Variants in ODF2L observed in about 807,000 individuals in gnomAD.
ODF2L encodes outer dense fiber of sperm tails 2 like, also known as protein BCAP.
ODF2L carries 76 observed loss-of-function variants against 86.3 expected under a neutral mutation model. The ratio of observed to expected loss-of-function variants is 0.88; its 90% CI spans 0.73 to 1.07. ODF2L has a LOEUF of 1.07. ODF2L is among the 50% of genes least tolerant of loss of function. The probability of loss-of-function intolerance (pLI) is 0.00; values close to 1 mark genes in which losing one functional copy is unlikely to be tolerated. For missense variants in ODF2L, 748 were observed against 717.4 expected (o/e 1.04, Z -0.49); for synonymous variants, 241 against 231.3 (o/e 1.04, Z -0.38).
chr1:86,394,880 G>T (rs1296059587), intron 1 of ODF2L, among the ~76,000 whole-genome samples: 6 of 126,932 alleles, frequency 4.7e-5, no homozygotes, highest in Non-Finnish European at 9.3e-5. Flanking sequence ...TCGCGCTGTC[G>T]CCCAGGCTGG....
intron 13 of ODF2L, chr1:86,357,688 T>A (rs967279281): frequency 2.1e-6 from 2 of 933,230 alleles, no homozygotes; most frequent in African/African-American, 3.6e-5. Flanking sequence ...CCTTAAAACA[T>A]CTTAGAGGCC....
At chr1:86,389,514 C>A (rs532064193) in intron 1 of ODF2L, among the ~76,000 whole-genome samples, 99 of 150,478 alleles carry the variant, frequency 6.6e-4, no homozygotes, top group African/African-American at 2.4e-3. Flanking sequence ...AAACCCAAAC[C>A]CAACAGAAGG....
chr1:86,366,439 CAT>C (rs1228368283), intron 11 of ODF2L, among the ~76,000 whole-genome samples: 65 of 149,356 alleles, frequency 4.4e-4, no homozygotes, highest in Middle Eastern at 3.4e-3. Flanking sequence ...CACACATACA[CAT>C]ACACATACAC....
chr1:86,355,066 A>T (rs1043581764), intron 14 of ODF2L: 1 of 548,110 alleles, frequency 1.8e-6, no homozygotes, highest in African/African-American at 1.9e-5. Context: ...TGTTGCCTGT[A>T]TTGGAAAATA....
At chr1:86,375,264 T>G (rs1660088758) in intron 8 of ODF2L, among the ~76,000 whole-genome samples, 1 of 152,108 alleles carries the variant, frequency 6.6e-6, no homozygotes, top group Non-Finnish European at 1.5e-5. Context: ...AAAAACTTCA[T>G]GCATTACAGC....
intron 2 of ODF2L, 80 bp from the exon 3 acceptor site, chr1:86,385,670 T>C (rs1448159435): frequency 1.9e-6 from 2 of 1,046,242 alleles, no homozygotes; most frequent in African/African-American, 3.2e-5. Flanking sequence ...ATATCACCTA[T>C]ACAGTACTCT....
chr1:86,395,100 C>T (rs1207044027), intron 1 of ODF2L, among the ~76,000 whole-genome samples: 1 of 152,168 alleles, frequency 6.6e-6, no homozygotes, highest in East Asian at 1.9e-4. Context: ...GCCTCGGCCT[C>T]CCAAAGTGCT....
intron 10 of ODF2L, among the ~76,000 whole-genome samples, chr1:86,369,385 G>T (rs12038844): frequency 6.6e-6 from 1 of 152,166 alleles, no homozygotes; most frequent in Admixed American, 6.5e-5. Context: ...AGAAGACCTT[G>T]CTACTTCCTA....
exon 3 of ODF2L, chr1:86,385,527 C>T (rs1240914801): frequency 6.2e-6 from 10 of 1,606,596 alleles, no homozygotes; most frequent in East Asian, 2.2e-5. Context: ...AATGAGTTAC[C>T]AACTCCGCTT....
intron 8 of ODF2L, 26 bp downstream of exon 8, chr1:86,376,207 A>T (rs1373783858): frequency 2.8e-5 from 39 of 1,368,946 alleles, no homozygotes; most frequent in Non-Finnish European, 4.0e-5. Context: ...AGATCTTTTA[A>T]TTTTAAAAAG....
At chr1:86,373,849 T>C (rs1659983388) in intron 8 of ODF2L, among the ~76,000 whole-genome samples, 1 of 152,204 alleles carries the variant, frequency 6.6e-6, no homozygotes, top group Admixed American at 6.5e-5. Flanking sequence ...AGTAGTGGCT[T>C]ATTCATTTTG....
intron 11 of ODF2L, among the ~76,000 whole-genome samples, chr1:86,364,777 G>A (rs1176825251): frequency 6.6e-6 from 1 of 152,114 alleles, no homozygotes; most frequent in Non-Finnish European, 1.5e-5. Context: ...ACCTAGGGAT[G>A]GCAGAACAGA....
chr1:86,374,283 G>A (rs2101072884), intron 8 of ODF2L, among the ~76,000 whole-genome samples: 1 of 152,166 alleles, frequency 6.6e-6, no homozygotes, highest in East Asian at 1.9e-4. Flanking sequence ...AAATTATGAA[G>A]TATAAGTTTA....
At chr1:86,365,121 C>G (rs1285055073) in intron 11 of ODF2L, among the ~76,000 whole-genome samples, 1 of 152,112 alleles carries the variant, frequency 6.6e-6, no homozygotes, top group Admixed American at 6.5e-5. Flanking sequence ...CTGGCTCTGC[C>G]ACTAATCTAG....
At chr1:86,376,502 AT>A (rs1293040015) in intron 7 of ODF2L, 84 bp from the exon 8 acceptor site, 13 of 834,672 alleles carry the variant, frequency 1.6e-5, no homozygotes, top group East Asian at 2.6e-5. Flanking sequence ...CATAACTGAT[AT>A]GGTTTGTGTA....
intron 9 of ODF2L, among the ~76,000 whole-genome samples, 179 bp from the exon 10 acceptor site, chr1:86,371,332 C>T (rs1659770067): frequency 6.6e-6 from 1 of 152,092 alleles, no homozygotes; most frequent in African/African-American, 2.4e-5. Context: ...TAAAAGGGTA[C>T]AACCAAAGTA....
chr1:86,354,277 G>A (rs1658363394), intron 16 of ODF2L, among the ~76,000 whole-genome samples: 2 of 152,130 alleles, frequency 1.3e-5, no homozygotes, highest in African/African-American at 4.8e-5. Context: ...AGGTACAGGA[G>A]GAGATTATGT....
Position 86,384,769 on chromosome 1 carries a change from AG to A in ODF2L, c.278del (p.Ser93LeufsTer7), listed in dbSNP as rs766064897. On this transcript the variant is annotated frameshift_variant, in exon 4 of 18. Coordinates refer to ENST00000317336, the Ensembl canonical transcript of ODF2L. LOFTEE classifies it high-confidence loss of function. ...CTTTTATTAATATTTCCTTCTGTTC[AG>A]AAATCTTCAAATTCAATGCAGAAAG... 6.6e-7 allele frequency: 1 copy of A among 1,524,746 alleles called. No homozygotes were observed. 94.5% of individuals were successfully genotyped at this position (1,524,746 alleles called of 1,614,324 possible).
chr1:86,352,168 C>G, exon 18 of ODF2L: 5 of 1,519,250 alleles, frequency 3.3e-6, no homozygotes, highest in Non-Finnish European at 4.4e-6. Context: ...TTTTTAGACA[C>G]TTGGGAATTA....
Sources: allele counts gnomAD v4.1 joint callset (sites outside exome capture counted in the v4.1 genomes callset), GRCh38; gene constraint gnomAD v4.1.1; transcripts MANE v1.5; gene names NCBI Gene and HGNC (gene_info 2026-07-23, HGNC 2026-07-21).